CUL5: variants seen among roughly 807,000 people sequenced by gnomAD.
CUL5 encodes the protein cullin-5.
Under a neutral mutation model 108.8 loss-of-function variants are expected in CUL5, and 26 were observed. That is an observed-to-expected ratio of 0.24 (90% CI 0.18 to 0.33). The LOEUF (loss-of-function observed/expected upper bound fraction) is 0.33, where lower values mean the gene tolerates loss of function less well. CUL5 is among the 10% of genes least tolerant of loss of function. The pLI, the probability that CUL5 is intolerant of heterozygous loss-of-function variation, is 1.00. For synonymous variants in CUL5, 334 were observed against 298.0 expected (o/e 1.12, Z -1.25); for missense variants, 524 against 909.2 (o/e 0.58, Z 5.45).
intron 2 of CUL5, among the ~76,000 whole-genome samples, chr11:108,037,551 C>T (rs909132772): frequency 1.3e-5 from 2 of 152,166 alleles, no homozygotes; most frequent in African/African-American, 4.8e-5. Context: ...CCAGGAGAAA[C>T]GAAATCCAAA....
intron 1 of CUL5, among the ~76,000 whole-genome samples, chr11:108,025,578 A>G (rs1006738418): frequency 6.6e-6 from 1 of 152,118 alleles, no homozygotes; most frequent in Non-Finnish European, 1.5e-5. Flanking sequence ...AATGCCTGGC[A>G]CTTTAAAGGG....
intron 3 of CUL5, among the ~76,000 whole-genome samples, chr11:108,046,904 G>A (rs1025818906): frequency 6.6e-6 from 1 of 151,780 alleles, no homozygotes; most frequent in African/African-American, 2.4e-5. Flanking sequence ...GTTTTGTTTT[G>A]TTTTTTTTCT....
intron 7 of CUL5, 38 bp from the exon 8 acceptor site, chr11:108,070,058 G>C: frequency 7.4e-7 from 1 of 1,354,082 alleles, no homozygotes; most frequent in South Asian, 1.2e-5. Context: ...GTGCTATACA[G>C]CTTATAGTAG....
At chr11:108,013,295 T>A (rs1240514299) in intron 1 of CUL5, among the ~76,000 whole-genome samples, 3 of 152,208 alleles carry the variant, frequency 2.0e-5, no homozygotes, top group Non-Finnish European at 4.4e-5. Context: ...CTTTGTATAT[T>A]TTTTTCTGGG....
intron 1 of CUL5, 64 bp downstream of exon 1, chr11:108,009,436 G>T: frequency 6.4e-7 from 1 of 1,567,412 alleles, no homozygotes; most frequent in Non-Finnish European, 8.8e-7. Flanking sequence ...TTTGGGAAAG[G>T]CACGGCTCAG....
At position 108,067,360 on chromosome 11, in the gene CUL5, A is replaced by G. The variant is rs550487157; in HGVS notation, c.781-2736A>G. ...AAATTCTTCTCAGTTTACTTTAATT[A>G]TGTTGTCAATTTAGCTCTCCTTTTA... On this transcript the variant is annotated intron_variant, in intron 7 of 18. Transcript: ENST00000393094. Among the ~76,000 whole-genome samples, 19 of 152,308 alleles carry G rather than the reference A, an allele frequency of 1.2e-4. No homozygotes were observed. The South Asian group carries it at 3.9e-3, about 32-fold the overall frequency.
At chr11:108,029,197 A>G (rs770703668) in intron 1 of CUL5, among the ~76,000 whole-genome samples, 12 of 150,118 alleles carry the variant, frequency 8.0e-5, no homozygotes, top group Non-Finnish European at 1.8e-4. Context: ...GTAAGGAGTG[A>G]AGGATAGAAT....
chr11:108,050,531 T>C (rs1397380725), intron 4 of CUL5, among the ~76,000 whole-genome samples: 1 of 152,034 alleles, frequency 6.6e-6, no homozygotes, highest in Admixed American at 6.6e-5. Context: ...CACACCCGGC[T>C]ATTTTATTGT....
chr11:108,077,169 A>G (rs1190922472), intron 10 of CUL5, among the ~76,000 whole-genome samples: 1 of 152,238 alleles, frequency 6.6e-6, no homozygotes, highest in Non-Finnish European at 1.5e-5. Flanking sequence ...TGTTAGAAAA[A>G]TGAGGAGTCG....
chr11:108,032,882 T>A (rs1862629728), intron 1 of CUL5, among the ~76,000 whole-genome samples: 1 of 151,736 alleles, frequency 6.6e-6, no homozygotes, highest in Admixed American at 6.6e-5. Flanking sequence ...GTTTTCAGAG[T>A]TTACATAGAT....
At chr11:108,024,114 C>T (rs1565233974) in intron 1 of CUL5, among the ~76,000 whole-genome samples, 1 of 152,196 alleles carries the variant, frequency 6.6e-6, no homozygotes, top group African/African-American at 2.4e-5. Context: ...CATTCCTTAT[C>T]CAGGAAAGGA....
At chr11:108,062,606 GTGTA>G (rs1212223096) in intron 7 of CUL5, among the ~76,000 whole-genome samples, 1 of 150,224 alleles carries the variant, frequency 6.7e-6, no homozygotes, top group African/African-American at 2.4e-5. Flanking sequence ...TACATACATG[GTGTA>G]TGTAGTTGTA....
intron 10 of CUL5, among the ~76,000 whole-genome samples, chr11:108,075,459 A>G (rs1863919855): frequency 6.6e-6 from 1 of 152,216 alleles, no homozygotes; most frequent in South Asian, 2.1e-4. Flanking sequence ...TGGGAAAAGT[A>G]TAAGGGATGT....
At chr11:108,104,092 G>T in intron 18 of CUL5, 98 bp from the exon 19 acceptor site, 1 of 680,538 alleles carries the variant, frequency 1.5e-6, no homozygotes, top group Non-Finnish European at 2.5e-6. Context: ...GTAGATGTTG[G>T]ATAGAGGATG....
chr11:108,055,702 C>T (rs1293383568), intron 7 of CUL5, among the ~76,000 whole-genome samples: 1 of 151,800 alleles, frequency 6.6e-6, no homozygotes, highest in East Asian at 1.9e-4. Context: ...GCAATCTCGG[C>T]TCACTGCAAC....
chr11:108,099,769 C>T (rs1193078104), intron 18 of CUL5, among the ~76,000 whole-genome samples: 1 of 152,072 alleles, frequency 6.6e-6, no homozygotes, highest in Non-Finnish European at 1.5e-5. Flanking sequence ...TTCTTATTAC[C>T]ATCACTTAGT....
intron 7 of CUL5, among the ~76,000 whole-genome samples, chr11:108,067,539 CA>C (rs1254624574): frequency 6.6e-6 from 1 of 151,106 alleles, no homozygotes; most frequent in Non-Finnish European, 1.5e-5. Flanking sequence ...GTCCTATGTA[CA>C]TTTTTTTTTT....
chr11:108,073,912 C>T (rs1465392859), intron 10 of CUL5: 2 of 154,868 alleles, frequency 1.3e-5, no homozygotes, highest in African/African-American at 2.4e-5. Context: ...GGGACTCCTT[C>T]GGGAGTTATG....
At chr11:108,034,760 C>T (rs1862688345) in intron 2 of CUL5, among the ~76,000 whole-genome samples, 1 of 152,170 alleles carries the variant, frequency 6.6e-6, no homozygotes, top group Admixed American at 6.5e-5. Context: ...CAGTGTATCC[C>T]TTTCAGTAAT....
Sources: allele counts gnomAD v4.1 joint callset (sites outside exome capture counted in the v4.1 genomes callset), GRCh38; gene constraint gnomAD v4.1.1; transcripts MANE v1.5; gene names NCBI Gene and HGNC (gene_info 2026-07-23, HGNC 2026-07-21).